Variants in PRRC2A observed in about 807,000 individuals in gnomAD.
PRRC2A encodes the protein proline rich coiled-coil 2A.
PRRC2A carries 59 observed loss-of-function variants against 224.6 expected under a neutral mutation model. That is an observed-to-expected ratio of 0.26 (90% CI 0.21 to 0.33). The LOEUF (loss-of-function observed/expected upper bound fraction) is 0.33, where lower values mean the gene tolerates loss of function less well. PRRC2A is among the 10% of genes least tolerant of loss of function. The pLI is 1.00. For synonymous variants in PRRC2A, 1,194 were observed against 1,109.5 expected (o/e 1.08, Z -1.51); for missense variants, 3,095 against 2,880.7 (o/e 1.07, Z -1.70).
chr6:31,632,890 G>A lies in PRRC2A; in HGVS notation c.4217G>A (p.Gly1406Asp). ...NRRPGPGGKA[G>D]SSGSSSGGGG... ...CGCCCTGGCCCAGGGGGCAAGGCTG[G>A]CAGCAGTGGCAGCAGCAGTGGAGGA... The change falls in exon 16 of 31, where the codon GGC becomes GAC. Residue 1406 changes from glycine (G) to aspartate (D), a missense_variant. Gly to Asp is a moderately conservative substitution (Grantham distance 94). Transcript: ENST00000376033. The A allele has an allele frequency of 6.2e-7, 1 of 1,612,814 alleles. No homozygotes were observed. The highest frequency in any genetic ancestry group is 8.5e-7 in the Non-Finnish European group (1 of 1,179,846).
chr6:31,633,124 T>C (rs1461069798), intron 16 of PRRC2A, 132 bp downstream of exon 16: 1 of 1,296,510 alleles, frequency 7.7e-7, no homozygotes, highest in Non-Finnish European at 1.0e-6. Flanking sequence ...GTCAGTAGGA[T>C]TTCCATGTCT....
Position 31,631,090 on chromosome 6 carries a change from C to G in PRRC2A, c.2466-49C>G, listed in dbSNP as rs368872258. On this transcript the variant is annotated intron_variant, in intron 15 of 30. Coordinates refer to ENST00000376033, the MANE Select transcript of PRRC2A (RefSeq NM_004638.4). This position sits in a 1 kb window ranked among gnomAD's most constrained non-coding sequence, Gnocchi z 4.5. ...TAAAGTGTTCTTTTCCCACCTAGTT[C>G]TGGTTTTCCTGAGATACTTATTTCC... The G allele has an allele frequency of 1.0e-4, 143 of 1,421,594 alleles. No individual in the cohort carries two copies. Among genetic ancestry groups the G allele is most frequent in the African/African-American group, 7.2e-4 (50 of 69,602 alleles). 88.1% of individuals were successfully genotyped at this position (1,421,594 alleles called of 1,614,324 possible). A position where few individuals can be genotyped will look rare whatever the true frequency, so the allele number is the denominator to read the frequency against.
chr6:31,634,675 A>G, intron 20 of PRRC2A, 78 bp from the exon 21 acceptor site: 1 of 1,563,666 alleles, frequency 6.4e-7, no homozygotes, highest in Non-Finnish European at 8.8e-7. Flanking sequence ...CCCTTTCTGC[A>G]GTTTGTATGT....
intron 9 of PRRC2A, 111 bp downstream of exon 9, chr6:31,626,273 C>T: frequency 1.5e-6 from 2 of 1,321,926 alleles, no homozygotes; most frequent in Non-Finnish European, 1.0e-6. Context: ...TGTAGGAAGA[C>T]CAGGCCCAAT....
At position 31,635,471 on chromosome 6, in the gene PRRC2A, T is replaced by C. The variant is rs1777226497; in HGVS notation, c.5373+6T>C. 4 of 1,613,926 alleles carry C rather than the reference T, an allele frequency of 2.5e-6. No homozygotes were observed. Among genetic ancestry groups the C allele is most frequent in the Non-Finnish European group, 3.4e-6 (4 of 1,179,914 alleles). The stretch of plus-strand genomic sequence containing the variant: ...TAACAGCATCAGTCACTGAGGTAAG[T>C]GGGAGTAAGAGTTTGGTGGAAAGGC... On this transcript the variant is annotated splice_donor_region_variant and intron_variant, in intron 23 of 30. Coordinates refer to ENST00000376033, the MANE Select transcript of PRRC2A (RefSeq NM_004638.4).
At position 31,624,535 on chromosome 6, in the gene PRRC2A, C is replaced by T. The variant is rs965979418; in HGVS notation, c.463+13C>T. Reference sequence around the variant, plus strand: ...GCACATGGAGATGGTGAGTGCAGCACTTAATTGGGGAGCTGTGTCTGGGCA... The same window carrying T: ...GCACATGGAGATGGTGAGTGCAGCATTTAATTGGGGAGCTGTGTCTGGGCA... On this transcript the variant is annotated intron_variant, in intron 5 of 30. Coordinates refer to ENST00000376033, the MANE Select transcript of PRRC2A (RefSeq NM_004638.4). 107 of 1,604,884 alleles carry T rather than the reference C, an allele frequency of 6.7e-5. No homozygotes were observed. Among genetic ancestry groups the T allele is most frequent in the Non-Finnish European group, 8.4e-5 (99 of 1,171,798 alleles).
At position 31,636,623 on chromosome 6, in the gene PRRC2A, C is replaced by CAAG; in HGVS notation, c.5934+16_5934+17insAGA. The CAAG allele has an allele frequency of 6.3e-7, 1 of 1,590,248 alleles. No homozygotes were observed. The highest frequency in any genetic ancestry group is 1.1e-5 in the South Asian group (1 of 88,366). On this transcript the variant is annotated intron_variant, in intron 27 of 30. Transcript: ENST00000376033. This position sits in a 1 kb window ranked among gnomAD's most constrained non-coding sequence, Gnocchi z 4.3. ...CTGCCCAGCAGGTATATTGTATCTTCACACTTCCCCTTCATTTGATTTCTC... is the reference window on the plus strand; with the variant it reads ...CTGCCCAGCAGGTATATTGTATCTTCAAGACACTTCCCCTTCATTTGATTTCTC...
In PRRC2A at chr6:31,629,687, C is replaced by G; in HGVS notation, c.2096C>G (p.Pro699Arg). ...CCAGCTCCACAGGCTCCACCCCCGC[C>G]CCCCAAGGCCCTGTACCCAGGTGCT... ...AVPAPQAPPPPPKALYPGALG... is the reference protein window; with the variant it reads ...AVPAPQAPPPRPKALYPGALG... Residue 699 changes from proline (P) to arginine (R), a missense_variant, in exon 14 of 31, where the codon CCC becomes CGC. By Grantham distance (103) the Pro-to-Arg change is moderately radical. Coordinates refer to ENST00000376033, the MANE Select transcript of PRRC2A (RefSeq NM_004638.4). The G allele has an allele frequency of 6.2e-7, 1 of 1,600,968 alleles. No homozygotes were observed. The highest frequency in any genetic ancestry group is 8.5e-7 in the Non-Finnish European group (1 of 1,172,290).
At chr6:31,629,048 C>A in intron 12 of PRRC2A, 96 bp from the exon 13 acceptor site, 2 of 1,271,852 alleles carry the variant, frequency 1.6e-6, no homozygotes, top group Non-Finnish European at 2.3e-6. Flanking sequence ...ATATTTTAGT[C>A]TTAAGGGAGC....
At position 31,630,629 on chromosome 6, in the gene PRRC2A, A is replaced by C. The variant is rs779568119; in HGVS notation, c.2293A>C (p.Ser765Arg). ...AGAGCGTTCAGACAGTGGGGGCTCA[A>C]GCTCAGAGCCATTTGACCGTCATGC... is the stretch of plus-strand genomic sequence containing the variant. ...PRERSDSGGS[S>R]SEPFDRHAPA... is the part of the protein sequence containing the mutation. The change falls in exon 15 of 31, where the codon AGC (serine) becomes CGC (arginine). Residue 765 changes from serine to arginine, a missense_variant. By Grantham distance (110) the Ser-to-Arg change is moderately radical. This residue lies in a region of PRRC2A where 2,001 missense variants were observed against 1,764.9 expected (regional missense o/e 1.13). Transcript: ENST00000376033. 6.2e-7 allele frequency: 1 copy of C among 1,613,966 alleles called. No individual in the cohort carries two copies. The highest frequency in any genetic ancestry group is 8.5e-7 in the Non-Finnish European group (1 of 1,180,008).
rs958846508 is a variant in PRRC2A, at chr6:31,627,858, C to T, written c.1384C>T (p.Leu462=). The T allele has an allele frequency of 8.7e-6, 14 of 1,612,998 alleles. No individual in the cohort carries two copies. The highest frequency in any genetic ancestry group is 1.3e-5 in the African/African-American group (1 of 74,926). ...AAAGCAGTCGTCATCTGAGATTTCC[C>T]TGGCAGTGGAGCGGGCCCGGCGACG... ...RRKQSSSEIS[L]AVERARRRRE... The change falls in exon 12 of 31, where the codon CTG becomes TTG. Residue 462 remains leucine (L), a synonymous_variant. Coordinates refer to ENST00000376033, the MANE Select transcript of PRRC2A (RefSeq NM_004638.4). The surrounding 1 kb of genome is among the most constrained non-coding windows in gnomAD (Gnocchi z 5.6).
intron 3 of PRRC2A, 118 bp downstream of exon 3, chr6:31,624,027 A>G: frequency 7.7e-7 from 1 of 1,297,468 alleles, no homozygotes; most frequent in South Asian, 1.4e-5. Flanking sequence ...TCCCTTTCTT[A>G]CCTATTGCAG....
In PRRC2A at chr6:31,632,951, A is replaced by G; in HGVS notation, c.4278A>G (p.Gly1426=). ...GGGPGGRTGP[G]RGDKRSWPSP... ...GTCCTGGAGGAAGGACCGGGCCAGG[A>G]CGAGGCGACAAGAGGAGCTGGCCCT... The change falls in exon 16 of 31, where the codon GGA becomes GGG. Residue 1426 remains glycine, a synonymous_variant. Transcript: ENST00000376033. The G allele has an allele frequency of 6.2e-7, 1 of 1,605,938 alleles. No individual in the cohort carries two copies. The highest frequency in any genetic ancestry group is 8.5e-7 in the Non-Finnish European group (1 of 1,175,558).
At chr6:31,623,159 CTT>C in intron 2 of PRRC2A, 2 of 726,940 alleles carry the variant, frequency 2.8e-6, no homozygotes, top group Non-Finnish European at 2.5e-6. Flanking sequence ...ATTTGGGAAA[CTT>C]TGAGGCCAGC....
rs910508439 is a variant in PRRC2A at position 31,630,807 on chromosome 6, T to A, written c.2465+6T>A. ...GAGGATGACAAGGGGATGAGGTGAG[T>A]CTTGGTCATGAGAAATGGGTGAGTT... On this transcript the variant is annotated splice_donor_region_variant and intron_variant, in intron 15 of 30. Coordinates refer to ENST00000376033, the MANE Select transcript of PRRC2A (RefSeq NM_004638.4). 1.1e-5 allele frequency: 18 copies of A among 1,613,538 alleles called. No individual in the cohort carries two copies. Among genetic ancestry groups the A allele is most frequent in the Non-Finnish European group, 1.4e-5 (17 of 1,179,788 alleles).
chr6:31,636,426 G>A lies in PRRC2A; in HGVS notation c.5835+7G>A, dbSNP rs747359037. Reference sequence around the variant, plus strand: ...TGACACATCGTTGCTTCAGGTAAGAGGGGGGCAGGTATTAGATATTGGGGG... The same window carrying A: ...TGACACATCGTTGCTTCAGGTAAGAAGGGGGCAGGTATTAGATATTGGGGG... On this transcript the variant is annotated splice_region_variant and intron_variant, in intron 26 of 30. Coordinates refer to ENST00000376033, the MANE Select transcript of PRRC2A (RefSeq NM_004638.4). This position sits in a 1 kb window ranked among gnomAD's most constrained non-coding sequence, Gnocchi z 4.3. The A allele has an allele frequency of 1.2e-6, 2 of 1,612,800 alleles. No homozygotes were observed. Among genetic ancestry groups the A allele is most frequent in the South Asian group, 2.2e-5 (2 of 91,074 alleles).
Position 31,634,850 on chromosome 6 carries a change from G to C in PRRC2A, c.5033G>C (p.Gly1678Ala). The change falls in exon 21 of 31, where the codon GGG becomes GCG. Residue 1678 changes from glycine (G) to alanine (A), a missense_variant. Around this residue, in one of 8 missense-constraint regions of PRRC2A, gnomAD observed 662 missense variants for 609.5 expected, o/e 1.09. Coordinates refer to ENST00000376033, the MANE Select transcript of PRRC2A (RefSeq NM_004638.4). Reference sequence around the variant, plus strand: ...AGTTCCCCTGATGGAGGACTCAAGGGGGCAGCAGAGGGACCCCCCAAGAGG... The same window carrying C: ...AGTTCCCCTGATGGAGGACTCAAGGCGGCAGCAGAGGGACCCCCCAAGAGG... ...QRSSPDGGLK[G>A]AAEGPPKRPG... 1.2e-6 allele frequency: 2 copies of C among 1,612,976 alleles called. No individual in the cohort carries two copies. The highest frequency in any genetic ancestry group is 2.2e-5 in the East Asian group (1 of 44,872).
In PRRC2A at chr6:31,629,618, C is replaced by G. The variant is rs1008330712; in HGVS notation, c.2027C>G (p.Pro676Arg). 15 of 1,612,674 alleles carry G rather than the reference C, an allele frequency of 9.3e-6. No homozygotes were observed. In the Admixed American group the frequency reaches 1.5e-4, roughly 16 times the overall value. The change falls in exon 14 of 31, where the codon CCA becomes CGA. Residue 676 changes from proline (P) to arginine (R), a missense_variant. Physicochemically the swap from Pro to Arg is moderately radical, Grantham distance 103. Coordinates refer to ENST00000376033, the MANE Select transcript of PRRC2A (RefSeq NM_004638.4). ...QHQQGSAPPT[P>R]VPPSPPQPVT... Reference sequence around the variant, plus strand: ...CAACAGGGCTCTGCCCCTCCTACCCCAGTGCCCCCATCACCACCACAGCCT... The same window carrying G: ...CAACAGGGCTCTGCCCCTCCTACCCGAGTGCCCCCATCACCACCACAGCCT...
intron 16 of PRRC2A, 144 bp from the exon 17 acceptor site, chr6:31,633,235 T>C (rs2844466): frequency 0.36 from 442,903 of 1,231,426 alleles, 82,374 homozygotes; most frequent in African/African-American, 0.51. Context: ...TGCATCTGTA[T>C]GCATAGGAAT....
Sources: gnomAD v4.1 joint callset for allele counts on GRCh38, gnomAD v4.1.1 for gene constraint, gnomAD v4.1.1 regional missense constraint, Gnocchi (gnomAD v3.1) non-coding constraint, MANE v1.5 for transcripts, NCBI Gene and HGNC (gene_info 2026-07-23, HGNC 2026-07-21) for gene names.